The following GRID1 variants were observed in gnomAD, a reference collection of about 807,000 sequenced individuals.
GRID1 encodes glutamate receptor ionotropic, delta-1.
Under a neutral mutation model 98.0 loss-of-function variants are expected in GRID1, and 28 were observed. That is an observed-to-expected ratio of 0.29 (90% CI 0.21 to 0.39). GRID1 has a LOEUF of 0.39. Among genes scored for constraint, GRID1 ranks in the 10% least tolerant of loss-of-function variants. GRID1 has a pLI of 1.00. For missense variants in GRID1, 1,111 were observed against 1,340.5 expected (o/e 0.83, Z 2.67); for synonymous variants, 553 against 538.5 (o/e 1.03, Z -0.37).
intron 4 of GRID1, among the ~76,000 whole-genome samples, chr10:86,092,353 A>G (rs966139207): frequency 6.6e-6 from 1 of 152,248 alleles, no homozygotes; most frequent in Admixed American, 6.5e-5. Flanking sequence ...TCTCAGCAAT[A>G]GAACTGAAAA....
chr10:85,730,059 A>G (rs1358468253), intron 8 of GRID1, among the ~76,000 whole-genome samples: 1 of 152,210 alleles, frequency 6.6e-6, no homozygotes, highest in Non-Finnish European at 1.5e-5. Flanking sequence ...GCAAGTAGCA[A>G]ACACTCAAGT....
At chr10:85,804,683 A>C (rs1842606631) in intron 8 of GRID1, among the ~76,000 whole-genome samples, 1 of 151,882 alleles carries the variant, frequency 6.6e-6, no homozygotes, top group Admixed American at 6.6e-5. Flanking sequence ...TTTCAAAAAA[A>C]ATCAGTCAAT....
At chr10:86,346,038 AC>A (rs1378769813) in intron 2 of GRID1, among the ~76,000 whole-genome samples, 2 of 152,042 alleles carry the variant, frequency 1.3e-5, no homozygotes, top group South Asian at 4.2e-4. Context: ...GTTAGGCACC[AC>A]CCCTGTGCTC....
At chr10:85,689,702 A>G (rs941724392) in intron 12 of GRID1, among the ~76,000 whole-genome samples, 6 of 152,130 alleles carry the variant, frequency 3.9e-5, no homozygotes, top group African/African-American at 1.2e-4. Flanking sequence ...GCTAACAAAA[A>G]CCTGTCAAAA....
chr10:86,184,461 C>CT (rs1198471392), intron 3 of GRID1, among the ~76,000 whole-genome samples: 22,313 of 122,846 alleles, frequency 0.18, 2,136 homozygotes, highest in South Asian at 0.29. Flanking sequence ...TTTCTTTTTT[C>CT]TTTTTTTTTT....
intron 2 of GRID1, among the ~76,000 whole-genome samples, chr10:86,222,917 C>T (rs1267232910): frequency 6.6e-6 from 1 of 152,152 alleles, no homozygotes; most frequent in African/African-American, 2.4e-5. Flanking sequence ...GCACCGTCAC[C>T]CCCTGGGGGG....
At chr10:86,276,320 T>C (rs1178670717) in intron 2 of GRID1, among the ~76,000 whole-genome samples, 1 of 152,148 alleles carries the variant, frequency 6.6e-6, no homozygotes, top group Non-Finnish European at 1.5e-5. Flanking sequence ...AATTTTCCCA[T>C]TCTATAGGGA....
intron 2 of GRID1, among the ~76,000 whole-genome samples, chr10:86,248,563 CTT>C (rs200060771): frequency 1.1e-4 from 14 of 121,840 alleles, no homozygotes; most frequent in Admixed American, 3.5e-4. Context: ...CATGACAATT[CTT>C]TTTTTTTTTT....
chr10:85,689,891 T>C (rs1358381018), intron 12 of GRID1, among the ~76,000 whole-genome samples: 1 of 152,200 alleles, frequency 6.6e-6, no homozygotes, highest in Non-Finnish European at 1.5e-5. Context: ...TCTTCAGAAA[T>C]GTAGGAGTTT....
chr10:86,121,964 C>T lies in GRID1; in HGVS notation c.726+16855G>A, dbSNP rs574113646. Among the ~76,000 whole-genome samples, 3 of 152,282 alleles carry T rather than the reference C, an allele frequency of 2.0e-5. No homozygotes were observed. The East Asian group carries it at 5.8e-4, about 29-fold the overall frequency. On this transcript the variant is annotated intron_variant, in intron 4 of 15. Coordinates refer to ENST00000327946, the MANE Select transcript of GRID1 (RefSeq NM_017551.3). ...TACCTTGATTGCTTTAGAAACGTTC[C>T]ACTGGATACCCCCGGGCCCCAAATA...
chr10:86,005,687 G>A (rs1439832560), intron 4 of GRID1, among the ~76,000 whole-genome samples: 3 of 152,138 alleles, frequency 2.0e-5, no homozygotes, highest in African/African-American at 4.8e-5. Context: ...GACAACCATC[G>A]CCATTATCTT....
chr10:85,812,671 G>T (rs1842682229), intron 8 of GRID1, among the ~76,000 whole-genome samples: 1 of 151,860 alleles, frequency 6.6e-6, no homozygotes, highest in South Asian at 2.1e-4. Flanking sequence ...GGACTCTAAA[G>T]TGTGAGGTAA....
chr10:86,329,261 A>C (rs7075472), intron 2 of GRID1, among the ~76,000 whole-genome samples: 146,103 of 152,322 alleles, frequency 0.96, 70,184 homozygotes, highest in East Asian at 1. Flanking sequence ...CAGGGTCCAC[A>C]AGGTTGCCTT....
At chr10:86,261,919 A>G (rs530977936) in intron 2 of GRID1, among the ~76,000 whole-genome samples, 1 of 152,328 alleles carries the variant, frequency 6.6e-6, no homozygotes, top group African/African-American at 2.4e-5. Flanking sequence ...GTTACAGGAC[A>G]TTGGGGCCCA....
chr10:85,718,367 A>G (rs940223756), intron 12 of GRID1, among the ~76,000 whole-genome samples: 11 of 149,064 alleles, frequency 7.4e-5, no homozygotes, highest in African/African-American at 2.3e-4. Context: ...ATTTCCACAT[A>G]TGGAGTCCAC....
Position 86,301,794 on chromosome 10 carries a change from C to A in GRID1, c.235+62147G>T, listed in dbSNP as rs115729892. Among the ~76,000 whole-genome samples the A allele has an allele frequency of 9.2e-3, 1,398 of 152,356 alleles. 22 individuals are homozygous for A. Among genetic ancestry groups the A allele is most frequent in the African/African-American group, 0.032 (1,337 of 41,592 alleles). ...CAAGGACCCCTTCTGCAATCAGTTTCTTTACCCTTCTTAAGGCCTCAGTAC... is the reference window on the plus strand; with the variant it reads ...CAAGGACCCCTTCTGCAATCAGTTTATTTACCCTTCTTAAGGCCTCAGTAC... On this transcript the variant is annotated intron_variant, in intron 2 of 15. Transcript: ENST00000327946.
intron 4 of GRID1, among the ~76,000 whole-genome samples, chr10:86,133,939 T>C (rs1390427336): frequency 6.6e-6 from 1 of 152,086 alleles, no homozygotes; most frequent in Non-Finnish European, 1.5e-5. Context: ...TTTAAAATCA[T>C]TTAATTTTTC....
At chr10:86,189,223 G>A (rs1014550006) in intron 3 of GRID1, among the ~76,000 whole-genome samples, 4 of 152,058 alleles carry the variant, frequency 2.6e-5, no homozygotes, top group African/African-American at 4.8e-5. Flanking sequence ...CAACTCTCTC[G>A]TGTTCTTTGG....
At chr10:85,871,386 T>C (rs1843277084) in intron 5 of GRID1, among the ~76,000 whole-genome samples, 1 of 152,150 alleles carries the variant, frequency 6.6e-6, no homozygotes, top group Non-Finnish European at 1.5e-5. Flanking sequence ...GTCAAAAAAT[T>C]GTAAGTCAAA....
Sources: gnomAD v4.1 joint callset for allele counts (sites outside exome capture counted in the v4.1 genomes callset) on GRCh38, gnomAD v4.1.1 for gene constraint, MANE v1.5 for transcripts, NCBI Gene and HGNC (gene_info 2026-07-23, HGNC 2026-07-21) for gene names.